Variants in SLC25A21 observed in about 807,000 individuals in gnomAD.
The protein encoded by SLC25A21 is mitochondrial 2-oxodicarboxylate carrier.
Under a neutral mutation model 43.8 loss-of-function variants are expected in SLC25A21, and 47 were observed. The observed-to-expected ratio is 1.07, with a 90% CI of 0.85 to 1.37. The LOEUF is 1.37. Ranked by LOEUF, SLC25A21 falls within the 40% of genes most tolerant of loss-of-function variation. The pLI, the probability that SLC25A21 is intolerant of heterozygous loss-of-function variation, is 0.00. For missense variants in SLC25A21, 352 were observed against 350.2 expected (o/e 1.00, Z -0.04); for synonymous variants, 131 against 121.3 (o/e 1.08, Z -0.52).
chr14:36,682,337 C>T (rs4513000), intron 9 of SLC25A21, among the ~76,000 whole-genome samples: 26,660 of 152,038 alleles, frequency 0.18, 3,554 homozygotes, highest in African/African-American at 0.34. Flanking sequence ...GTGAGTGGTT[C>T]CCAGATATTC....
chr14:37,087,804 C>A (rs1402481993), intron 1 of SLC25A21, among the ~76,000 whole-genome samples: 1 of 152,172 alleles, frequency 6.6e-6, no homozygotes, highest in African/African-American at 2.4e-5. Context: ...GAAAGTGCAT[C>A]CTTTCCCCTC....
At chr14:36,973,019 A>AC (rs1555339722) in intron 1 of SLC25A21, among the ~76,000 whole-genome samples, 15 of 128,898 alleles carry the variant, frequency 1.2e-4, no homozygotes, top group African/African-American at 6.0e-4. Context: ...TTATTTATTT[A>AC]TTTATTTTAT....
At chr14:36,787,109 C>G (rs848115) in intron 3 of SLC25A21, among the ~76,000 whole-genome samples, 9 of 152,008 alleles carry the variant, frequency 5.9e-5, no homozygotes, top group Admixed American at 5.2e-4. Flanking sequence ...CCTGGGTGAG[C>G]TGGATTCACA....
rs1882057102 is a variant in SLC25A21, at chr14:36,679,089, G to A, written c.*1569C>T. 1 of 985,246 alleles carries A rather than the reference G, an allele frequency of 1.0e-6. No homozygotes were observed. Among genetic ancestry groups the A allele is most frequent in the Non-Finnish European group, 1.2e-6 (1 of 829,934 alleles). The allele number at this position is 985,246 out of a possible 1,614,324, so 61.0% of individuals were successfully genotyped here. ...GGAGAGGTTAAAGGTTCAATTTCAT[G>A]ACCTCTATGCAGGCAGCGCTCTCAT... On this transcript the variant is annotated 3_prime_UTR_variant, in exon 10 of 10. Transcript: ENST00000331299.
intron 1 of SLC25A21, among the ~76,000 whole-genome samples, chr14:37,106,174 A>C (rs985476903): frequency 2.6e-5 from 4 of 152,128 alleles, no homozygotes; most frequent in Admixed American, 2.0e-4. Context: ...TTGAAAAAAA[A>C]CAGAATAACA....
intron 2 of SLC25A21, among the ~76,000 whole-genome samples, chr14:36,851,037 A>G (rs1201657129): frequency 6.6e-6 from 1 of 152,228 alleles, no homozygotes; most frequent in Non-Finnish European, 1.5e-5. Flanking sequence ...TCAAGATTTT[A>G]AAGTACACTG....
chr14:37,080,375 T>G (rs2138837307), intron 1 of SLC25A21, among the ~76,000 whole-genome samples: 1 of 152,290 alleles, frequency 6.6e-6, no homozygotes. Flanking sequence ...GGCAGATTGC[T>G]TGACCTCAGG....
rs144930345 is a variant in SLC25A21, at chr14:37,037,117, G to T, written c.70+135164C>A. Reference sequence around the variant, plus strand: ...ATAAAGCAGAGGCTGGGGCGGGTGTGGGGGGACCCTGATTGTGAGTCAGGA... The same window carrying T: ...ATAAAGCAGAGGCTGGGGCGGGTGTTGGGGGACCCTGATTGTGAGTCAGGA... On this transcript the variant is annotated intron_variant, in intron 1 of 9. Transcript: ENST00000331299. Among the ~76,000 whole-genome samples, 956 of 152,260 alleles carry T rather than the reference G, an allele frequency of 6.3e-3. 10 individuals are homozygous for T. Among genetic ancestry groups the T allele is most frequent in the African/African-American group, 0.02 (831 of 41,538 alleles).
intron 1 of SLC25A21, among the ~76,000 whole-genome samples, chr14:36,995,240 T>C (rs1960346442): frequency 6.6e-6 from 1 of 152,222 alleles, no homozygotes; most frequent in South Asian, 2.1e-4. Context: ...CACAATTTCT[T>C]AATTACAAAT....
chr14:37,008,759 AT>A (rs11445075), intron 1 of SLC25A21, among the ~76,000 whole-genome samples: 1 of 151,914 alleles, frequency 6.6e-6, no homozygotes, highest in Non-Finnish European at 1.5e-5. Context: ...TTTTTAATAG[AT>A]TTTTTTTCTC....
intron 1 of SLC25A21, among the ~76,000 whole-genome samples, chr14:36,933,481 A>G (rs1194232792): frequency 6.6e-6 from 1 of 152,098 alleles, no homozygotes; most frequent in Non-Finnish European, 1.5e-5. Context: ...ACTGTGATGA[A>G]ATTTATTCGT....
chr14:37,041,567 C>T (rs1961473258), intron 1 of SLC25A21, among the ~76,000 whole-genome samples: 1 of 152,164 alleles, frequency 6.6e-6, no homozygotes, highest in South Asian at 2.1e-4. Flanking sequence ...TAGATGTGAT[C>T]TATTTCTGTT....
intron 2 of SLC25A21, among the ~76,000 whole-genome samples, chr14:36,839,338 TG>T (rs1332848619): frequency 2.0e-5 from 3 of 152,202 alleles, no homozygotes; most frequent in Admixed American, 6.5e-5. Context: ...TACTATAAGG[TG>T]GGTATTGTTT....
chr14:36,880,474 GTTTCT>G (rs200316472), intron 1 of SLC25A21, among the ~76,000 whole-genome samples: 1,616 of 152,204 alleles, frequency 0.011, 24 homozygotes, highest in Middle Eastern at 0.031. Flanking sequence ...CACTACCACT[GTTTCT>G]TTTCTTATCT....
intron 1 of SLC25A21, among the ~76,000 whole-genome samples, chr14:37,069,879 C>A (rs184512432): frequency 3.0e-3 from 458 of 152,296 alleles, no homozygotes; most frequent in Admixed American, 5.2e-3. Flanking sequence ...AGGCTTGACA[C>A]AAGCAACATG....
At position 36,679,969 on chromosome 14, in the gene SLC25A21, TTC is replaced by T; in HGVS notation, c.*687_*688del. 1.2e-6 allele frequency: 1 copy of T among 809,792 alleles called. No homozygotes were observed. The highest frequency in any genetic ancestry group is 1.4e-6 in the Non-Finnish European group (1 of 701,270). 50.2% of individuals were successfully genotyped at this position (809,792 alleles called of 1,614,324 possible). On this transcript the variant is annotated 3_prime_UTR_variant, in exon 10 of 10. Coordinates refer to ENST00000331299, the MANE Select transcript of SLC25A21 (RefSeq NM_030631.4). Reference sequence around the variant, plus strand: ...ATGCTTAAACAACAGTGTTTTAACATTCTGTTTTAAACAATGTTTTAAAATAC... The same window carrying T: ...ATGCTTAAACAACAGTGTTTTAACATTGTTTTAAACAATGTTTTAAAATAC...
At chr14:36,754,784 G>C (rs1885862467) in intron 3 of SLC25A21, among the ~76,000 whole-genome samples, 1 of 151,562 alleles carries the variant, frequency 6.6e-6, no homozygotes, top group Admixed American at 6.6e-5. Flanking sequence ...AAATTTAATA[G>C]GAAATATGTT....
chr14:36,952,852 G>A (rs150425528), intron 1 of SLC25A21, among the ~76,000 whole-genome samples: 6 of 152,304 alleles, frequency 3.9e-5, no homozygotes, highest in East Asian at 1.9e-4. Context: ...TTCCCAAGTT[G>A]TCATGTTTCA....
At chr14:36,771,883 G>T (rs1339856856) in intron 3 of SLC25A21, among the ~76,000 whole-genome samples, 2 of 151,842 alleles carry the variant, frequency 1.3e-5, no homozygotes, top group African/African-American at 2.4e-5. Context: ...TTCTCATTTT[G>T]CCCTGTACCG....
Sources: allele counts gnomAD v4.1 joint callset (sites outside exome capture counted in the v4.1 genomes callset), GRCh38; gene constraint gnomAD v4.1.1; transcripts MANE v1.5; gene names NCBI Gene and HGNC (gene_info 2026-07-23, HGNC 2026-07-21).